The following PIAS1 variants were observed in gnomAD, a reference collection of about 807,000 sequenced individuals.
PIAS1 encodes the protein E3 SUMO-protein ligase PIAS1.
Under a neutral mutation model 71.3 loss-of-function variants are expected in PIAS1, and 6 were observed. The ratio of observed to expected loss-of-function variants is 0.08; its 90% CI spans 0.05 to 0.17. The LOEUF is 0.17. PIAS1 is among the 10% of genes least tolerant of loss of function. The pLI, the probability that PIAS1 is intolerant of heterozygous loss-of-function variation, is 1.00. For missense variants in PIAS1, 555 were observed against 793.6 expected, an observed-to-expected ratio of 0.70 and a Z score of 3.61; for synonymous variants, 303 against 292.9, an observed-to-expected ratio of 1.03 and a Z score of -0.35.
intron 2 of PIAS1, among the ~76,000 whole-genome samples, chr15:68,128,425 G>T (rs2092667539): frequency 1.3e-5 from 2 of 152,176 alleles, no homozygotes; most frequent in Admixed American, 1.3e-4. Flanking sequence ...TGGGATTACA[G>T]GTGTGAGCCA....
At chr15:68,121,970 A>G (rs543489422) in intron 2 of PIAS1, among the ~76,000 whole-genome samples, 26 of 152,252 alleles carry the variant, frequency 1.7e-4, no homozygotes, top group Non-Finnish European at 2.5e-4. Flanking sequence ...TCTACAAAAA[A>G]TACAAAAAAT....
intron 2 of PIAS1, among the ~76,000 whole-genome samples, chr15:68,089,355 G>A (rs2092314367): frequency 1.3e-5 from 2 of 152,164 alleles, no homozygotes; most frequent in South Asian, 4.1e-4. Flanking sequence ...AAAGGTGGTT[G>A]TAAAGTAAGA....
chr15:68,120,339 G>A lies in PIAS1; in HGVS notation c.470-21607G>A, dbSNP rs148630694. Reference sequence around the variant, plus strand: ...TTACATTTTATGCTATTGTTGATATGGTTGCTTTTAAATTTACCATCTTGG... The same window carrying A: ...TTACATTTTATGCTATTGTTGATATAGTTGCTTTTAAATTTACCATCTTGG... On this transcript the variant is annotated intron_variant, in intron 2 of 13. Transcript: ENST00000249636. Among the ~76,000 whole-genome samples, 165 of 151,570 alleles carry A rather than the reference G, an allele frequency of 1.1e-3. 1 individual carries two copies. The highest frequency in any genetic ancestry group is 1.4e-3 in the Non-Finnish European group (93 of 67,834).
rs1251861244 is a variant in PIAS1 at position 68,065,971 on chromosome 15, G to A, written c.24+11621G>A. Among the ~76,000 whole-genome samples, 13 of 117,952 alleles carry A rather than the reference G, an allele frequency of 1.1e-4. 1 individual carries two copies. The Admixed American group carries it at 1.6e-3, about 14-fold the overall frequency. The allele number at this position is 117,952 out of a possible 152,430, so 77.4% of individuals were successfully genotyped here. On this transcript the variant is annotated intron_variant, in intron 1 of 13. Coordinates refer to ENST00000249636, the MANE Select transcript of PIAS1 (RefSeq NM_016166.3). Reference sequence around the variant, plus strand: ...AGATAGGGTCTTGCTGTGTTGCCCAGGCTGCTCTCAGACTCATGTGATCCT... The same window carrying A: ...AGATAGGGTCTTGCTGTGTTGCCCAAGCTGCTCTCAGACTCATGTGATCCT...
intron 6 of PIAS1, among the ~76,000 whole-genome samples, chr15:68,147,348 C>T (rs2092815157): frequency 6.6e-6 from 1 of 152,040 alleles, no homozygotes. Context: ...TTCATTATTA[C>T]TGAGATTGAA....
At chr15:68,060,094 G>A (rs144606311) in intron 1 of PIAS1, among the ~76,000 whole-genome samples, 98 of 152,234 alleles carry the variant, frequency 6.4e-4, no homozygotes, top group Admixed American at 2.7e-3. Context: ...CAGAATGTTT[G>A]ATAAAGTATG....
At chr15:68,077,771 T>G (rs536500067) in intron 1 of PIAS1, among the ~76,000 whole-genome samples, 3 of 152,342 alleles carry the variant, frequency 2.0e-5, no homozygotes, top group African/African-American at 4.8e-5. Context: ...CATTTGCCTT[T>G]TGAGTCTGAG....
At chr15:68,177,151 C>T (rs532647458) in intron 11 of PIAS1, among the ~76,000 whole-genome samples, 5 of 151,712 alleles carry the variant, frequency 3.3e-5, no homozygotes, top group African/African-American at 4.8e-5. Context: ...TGGTGGCATG[C>T]GCCTGTAATC....
intron 2 of PIAS1, among the ~76,000 whole-genome samples, chr15:68,139,872 C>T (rs1388762667): frequency 6.6e-6 from 1 of 152,070 alleles, no homozygotes; most frequent in African/African-American, 2.4e-5. Flanking sequence ...TTTTGTAAGA[C>T]TCATTTCAGT....
At chr15:68,170,109 C>T (rs1025747623) in intron 8 of PIAS1, among the ~76,000 whole-genome samples, 1 of 152,094 alleles carries the variant, frequency 6.6e-6, no homozygotes, top group African/African-American at 2.4e-5. Context: ...CTGTATATTT[C>T]CAAGTATGGG....
At chr15:68,093,759 C>T (rs1405874664) in intron 2 of PIAS1, among the ~76,000 whole-genome samples, 2 of 152,260 alleles carry the variant, frequency 1.3e-5, no homozygotes, top group Admixed American at 1.3e-4. Flanking sequence ...TTTCTTTTCT[C>T]ATCAAGCACA....
At chr15:68,067,610 A>G (rs762009163) in intron 1 of PIAS1, among the ~76,000 whole-genome samples, 4 of 152,128 alleles carry the variant, frequency 2.6e-5, no homozygotes, top group African/African-American at 4.8e-5. Flanking sequence ...ATATTAATAT[A>G]TAATAATGAT....
intron 2 of PIAS1, among the ~76,000 whole-genome samples, chr15:68,138,721 C>T (rs772767771): frequency 1.3e-5 from 2 of 152,138 alleles, no homozygotes; most frequent in Non-Finnish European, 2.9e-5. Flanking sequence ...ATGATCTGCC[C>T]GCCTCAGTCT....
chr15:68,111,022 G>A (rs1489627545), intron 2 of PIAS1, among the ~76,000 whole-genome samples: 2 of 152,062 alleles, frequency 1.3e-5, no homozygotes, highest in Non-Finnish European at 2.9e-5. Context: ...TGTGGCATCC[G>A]TATATATTTG....
At chr15:68,088,933 TTC>T (rs2092310471) in intron 2 of PIAS1, among the ~76,000 whole-genome samples, 1 of 152,226 alleles carries the variant, frequency 6.6e-6, no homozygotes, top group Admixed American at 6.5e-5. Flanking sequence ...GCTTCCAGCA[TTC>T]TCTTCATTTC....
At chr15:68,057,434 TTGG>T in intron 1 of PIAS1, 1 of 406,248 alleles carries the variant, frequency 2.5e-6, no homozygotes, top group Non-Finnish European at 4.7e-6. Flanking sequence ...ATGTGTTTTT[TTGG>T]AGTAAAACTC....
At position 68,181,223 on chromosome 15, in the gene PIAS1, T is replaced by A; in HGVS notation, c.1493T>A (p.Leu498His). The change falls in exon 12 of 14, where the codon CTT (leucine) becomes CAT (histidine). Residue 498 changes from leucine to histidine, a missense_variant. By Grantham distance (99) the Leu-to-His change is moderately conservative. This residue lies in a region of PIAS1 where 244 missense variants were observed against 307.5 expected (regional missense o/e 0.79). Transcript: ENST00000249636. ...TTTCCTTCTTCCAGCATTTTAAGTC[T>A]TCCACATCAAGCATCTCCAGTATCC... The part of the protein sequence containing the change: ...SPLNNKGILS[L>H]PHQASPVSRT... The A allele has an allele frequency of 6.2e-7, 1 of 1,613,132 alleles. No homozygotes were observed.
chr15:68,122,148 C>CT (rs2092618578), intron 2 of PIAS1, among the ~76,000 whole-genome samples: 1 of 152,048 alleles, frequency 6.6e-6, no homozygotes, highest in East Asian at 1.9e-4. Context: ...ACCAAATAAA[C>CT]TTTAAGGGCA....
intron 2 of PIAS1, among the ~76,000 whole-genome samples, chr15:68,126,859 C>T (rs763524319): frequency 5.3e-5 from 8 of 151,550 alleles, no homozygotes; most frequent in Non-Finnish European, 1.0e-4. Context: ...TTTTGGTCAC[C>T]ATTATTCCAC....
Sources: gnomAD v4.1 joint callset for allele counts (sites outside exome capture counted in the v4.1 genomes callset) on GRCh38, gnomAD v4.1.1 for gene constraint, gnomAD v4.1.1 regional missense constraint, MANE v1.5 for transcripts, NCBI Gene and HGNC (gene_info 2026-07-23, HGNC 2026-07-21) for gene names.